ITGA6: variants seen among roughly 807,000 people sequenced by gnomAD.
The protein encoded by ITGA6 is integrin alpha-6.
Under a neutral mutation model 133.6 loss-of-function variants are expected in ITGA6, and 63 were observed. That is an observed-to-expected ratio of 0.47 (90% CI 0.38 to 0.58). The LOEUF (loss-of-function observed/expected upper bound fraction) is 0.58, where lower values mean the gene tolerates loss of function less well. Among genes scored for constraint, ITGA6 ranks in the 20% least tolerant of loss-of-function variants. The pLI, the probability that ITGA6 is intolerant of heterozygous loss-of-function variation, is 0.00. For missense variants in ITGA6, 1,068 were observed against 1,309.4 expected (o/e 0.82, Z 2.85); for synonymous variants, 434 against 482.0 (o/e 0.90, Z 1.30).
intron 2 of ITGA6, among the ~76,000 whole-genome samples, chr2:172,466,481 G>A (rs756773810): frequency 5.9e-5 from 9 of 152,080 alleles, no homozygotes; most frequent in African/African-American, 2.2e-4. Flanking sequence ...TTAGCCAGGC[G>A]TGGTGGTGTA....
At chr2:172,480,640 C>T (rs1285356686) in intron 11 of ITGA6, among the ~76,000 whole-genome samples, 1 of 152,152 alleles carries the variant, frequency 6.6e-6, no homozygotes, top group Non-Finnish European at 1.5e-5. Context: ...GGGCAAGTCC[C>T]TTAACATATG....
chr2:172,479,279 A>T (rs1031442821), intron 9 of ITGA6, among the ~76,000 whole-genome samples: 10 of 152,344 alleles, frequency 6.6e-5, no homozygotes, highest in African/African-American at 2.4e-4. Context: ...TTGAAATTAT[A>T]CATATATTTT....
At chr2:172,441,429 G>A (rs1046682361) in intron 1 of ITGA6, among the ~76,000 whole-genome samples, 1 of 151,984 alleles carries the variant, frequency 6.6e-6, no homozygotes, top group South Asian at 2.1e-4. Flanking sequence ...GGTGGCTCAT[G>A]CCAGTGATCC....
At chr2:172,433,099 AT>A (rs1409978261) in intron 1 of ITGA6, among the ~76,000 whole-genome samples, 1 of 152,144 alleles carries the variant, frequency 6.6e-6, no homozygotes, top group Non-Finnish European at 1.5e-5. Context: ...GATGGTAAAG[AT>A]TACGTACTGC....
intron 11 of ITGA6, among the ~76,000 whole-genome samples, chr2:172,484,374 G>A (rs1012361988): frequency 1.3e-5 from 2 of 151,274 alleles, no homozygotes; most frequent in Non-Finnish European, 2.9e-5. Context: ...GCAAAGGCAC[G>A]AGGCCACTTG....
At chr2:172,498,333 TCTCA>T (rs1243252055) in intron 24 of ITGA6, among the ~76,000 whole-genome samples, 21 of 152,366 alleles carry the variant, frequency 1.4e-4, no homozygotes, top group Middle Eastern at 3.4e-3. Flanking sequence ...TTCATTTGTC[TCTCA>T]CACATAATTT....
intron 24 of ITGA6, 122 bp downstream of exon 24, chr2:172,498,222 T>G: frequency 2.0e-6 from 2 of 1,009,354 alleles, no homozygotes; most frequent in Non-Finnish European, 3.0e-6. Flanking sequence ...ATTATGAAAC[T>G]CTTTTGACAT....
chr2:172,448,000 T>A (rs1048322542), intron 1 of ITGA6, among the ~76,000 whole-genome samples: 1 of 152,126 alleles, frequency 6.6e-6, no homozygotes, highest in Non-Finnish European at 1.5e-5. Flanking sequence ...AGTCTGGACT[T>A]AACTGAGTCA....
intron 5 of ITGA6, 58 bp downstream of exon 5, chr2:172,471,163 C>T: frequency 6.2e-7 from 1 of 1,604,904 alleles, no homozygotes. Context: ...TTGTGTGAAA[C>T]TCCCTCGCAG....
At chr2:172,462,773 T>C (rs4616446) in intron 1 of ITGA6, among the ~76,000 whole-genome samples, 1 of 152,212 alleles carries the variant, frequency 6.6e-6, no homozygotes, top group Non-Finnish European at 1.5e-5. Flanking sequence ...CAAAAGCAGC[T>C]GTACCCTGCA....
chr2:172,487,939 A>G (rs777273766), intron 17 of ITGA6, 22 bp from the exon 18 acceptor site: 3 of 1,604,954 alleles, frequency 1.9e-6, no homozygotes, highest in South Asian at 1.1e-5. Context: ...ATACAACCCT[A>G]TTGTTTCCTT....
chr2:172,472,465 A>T (rs1429497674), intron 5 of ITGA6, among the ~76,000 whole-genome samples: 1 of 152,260 alleles, frequency 6.6e-6, no homozygotes, highest in Non-Finnish European at 1.5e-5. Context: ...GAAAATATGA[A>T]GCATTTTTTC....
chr2:172,485,314 T>C, intron 13 of ITGA6, 50 bp downstream of exon 13: 1 of 1,516,146 alleles, frequency 6.6e-7, no homozygotes, highest in African/African-American at 1.4e-5. Context: ...CCATTTATGA[T>C]GCTAAATCAA....
Position 172,479,993 on chromosome 2 carries a change from C to A in ITGA6, c.1491C>A (p.Leu497=). ...TACGAPSGIC[L]QVKSCFEYTA... ...ATATGTGTTTGATTTTATTCAGCCT[C>A]CAGGTTAAATCCTGTTTTGAATATA... The change falls in exon 11 of 26, where the codon CTC becomes CTA. Residue 497 remains leucine, a synonymous_variant. Coordinates refer to ENST00000684293, the MANE Select transcript of ITGA6 (RefSeq NM_000210.4). 1.9e-6 allele frequency: 3 copies of A among 1,592,782 alleles called. No homozygotes were observed. Among genetic ancestry groups the A allele is most frequent in the Non-Finnish European group, 2.6e-6 (3 of 1,160,648 alleles).
chr2:172,503,213 T>A (rs888583040), intron 25 of ITGA6, among the ~76,000 whole-genome samples: 2 of 152,066 alleles, frequency 1.3e-5, no homozygotes, highest in African/African-American at 4.8e-5. Flanking sequence ...GAAAACACCT[T>A]TTTTTAAAAA....
chr2:172,462,282 G>A (rs1189607256), intron 1 of ITGA6, among the ~76,000 whole-genome samples: 1 of 152,204 alleles, frequency 6.6e-6, no homozygotes, highest in Non-Finnish European at 1.5e-5. Context: ...GCAAGGGGCG[G>A]TGGAACACTC....
chr2:172,489,122 C>A (rs1686813111), intron 19 of ITGA6, among the ~76,000 whole-genome samples: 2 of 152,252 alleles, frequency 1.3e-5, no homozygotes, highest in South Asian at 4.1e-4. Context: ...ACTGCCTTGG[C>A]CCAGGACTTG....
chr2:172,427,469 G>T (rs1238286474), upstream of ITGA6: 6 of 1,072,946 alleles, frequency 5.6e-6, no homozygotes, highest in Non-Finnish European at 6.8e-6. Context: ...CAGAGCCGGC[G>T]GGTAAGGTGC....
intron 9 of ITGA6, 101 bp from the exon 10 acceptor site, chr2:172,479,540 T>C: frequency 1.1e-6 from 1 of 944,018 alleles, no homozygotes; most frequent in Non-Finnish European, 1.7e-6. Flanking sequence ...CCTGTGTTTT[T>C]AAGCTGTGCT....
Sources: allele counts gnomAD v4.1 joint callset (sites outside exome capture counted in the v4.1 genomes callset), GRCh38; gene constraint gnomAD v4.1.1; transcripts MANE v1.5; gene names NCBI Gene and HGNC (gene_info 2026-07-23, HGNC 2026-07-21).